ROCK2: variants seen among roughly 807,000 people sequenced by gnomAD.
ROCK2 encodes Rho associated coiled-coil containing protein kinase 2, also known as rho-associated protein kinase 2.
ROCK2 carries 61 observed loss-of-function variants against 195.1 expected under a neutral mutation model. That is an observed-to-expected ratio of 0.31 (90% confidence interval 0.25 to 0.39). The LOEUF is 0.39. Ranked by LOEUF, ROCK2 falls within the 10% of genes least tolerant of loss-of-function variation. ROCK2 has a pLI of 1.00. For synonymous variants in ROCK2, 504 were observed against 545.5 expected, an observed-to-expected ratio of 0.92 and a Z score of 1.06; for missense variants, 1,109 against 1,637.4, an observed-to-expected ratio of 0.68 and a Z score of 5.57.
At chr2:11,310,189 T>G (rs1435266478) in intron 1 of ROCK2, among the ~76,000 whole-genome samples, 1 of 152,214 alleles carries the variant, frequency 6.6e-6, no homozygotes, top group African/African-American at 2.4e-5. Flanking sequence ...TATGGTAATC[T>G]GATCCTAAAG....
At chr2:11,267,496 AT>A (rs1298240099) in intron 3 of ROCK2, among the ~76,000 whole-genome samples, 1 of 150,692 alleles carries the variant, frequency 6.6e-6, no homozygotes, top group Non-Finnish European at 1.5e-5. Flanking sequence ...AAGCTTCACC[AT>A]TTTCACATAC....
chr2:11,246,838 T>A (rs577127457), intron 4 of ROCK2, among the ~76,000 whole-genome samples: 1 of 152,314 alleles, frequency 6.6e-6, no homozygotes, highest in South Asian at 2.1e-4. Context: ...CAATGACTCA[T>A]TAATTTCACT....
intron 3 of ROCK2, among the ~76,000 whole-genome samples, chr2:11,273,920 C>G (rs1666737365): frequency 7.8e-6 from 1 of 128,708 alleles, no homozygotes; most frequent in African/African-American, 2.6e-5. Flanking sequence ...CAGAGCAAGA[C>G]TCCATCTCAA....
intron 3 of ROCK2, among the ~76,000 whole-genome samples, chr2:11,269,491 A>C (rs1400820829): frequency 6.7e-6 from 1 of 149,436 alleles, no homozygotes; most frequent in Non-Finnish European, 1.5e-5. Context: ...AGCGTGGGTG[A>C]CAGAGCAAGA....
intron 1 of ROCK2, among the ~76,000 whole-genome samples, chr2:11,320,743 G>A (rs1022899699): frequency 6.6e-6 from 1 of 152,136 alleles, no homozygotes; most frequent in African/African-American, 2.4e-5. Flanking sequence ...CCCTCCCTGA[G>A]AGGAGAAAAA....
At chr2:11,315,601 C>G (rs780210114) in intron 1 of ROCK2, among the ~76,000 whole-genome samples, 1 of 151,976 alleles carries the variant, frequency 6.6e-6, no homozygotes, top group East Asian at 1.9e-4. Flanking sequence ...AAAAACATAT[C>G]CATAATTTTT....
rs563107811 is a variant in ROCK2, at chr2:11,251,496, T to C, written c.325-1698A>G. ...TCAAACTGCCCAAGGGCTATATAGA[T>C]AGTAAGCAGAATTAACTCAAGATGG... On this transcript the variant is annotated intron_variant, in intron 3 of 32. Coordinates refer to ENST00000315872, the MANE Select transcript of ROCK2 (RefSeq NM_004850.5). Among the ~76,000 whole-genome samples the C allele has an allele frequency of 3.9e-5, 6 of 152,256 alleles. No individual in the cohort carries two copies. The East Asian group carries it at 1.2e-3, about 29-fold the overall frequency.
At chr2:11,268,039 T>C (rs527767157) in intron 3 of ROCK2, among the ~76,000 whole-genome samples, 2 of 152,148 alleles carry the variant, frequency 1.3e-5, no homozygotes, top group East Asian at 3.9e-4. Flanking sequence ...AATAAAATGC[T>C]GAAGAGACTG....
intron 1 of ROCK2, among the ~76,000 whole-genome samples, chr2:11,332,394 T>G (rs1378477825): frequency 2.0e-5 from 3 of 152,150 alleles, no homozygotes; most frequent in Non-Finnish European, 4.4e-5. Context: ...ATAAAACTCC[T>G]TCACCAGTTG....
chr2:11,231,235 G>A (rs1248839817), intron 5 of ROCK2, among the ~76,000 whole-genome samples: 1 of 147,530 alleles, frequency 6.8e-6, no homozygotes. Context: ...ACAGAGTCTC[G>A]CTTTGTCACC....
In ROCK2 at chr2:11,197,842, C is replaced by T. The variant is rs1159034712; in HGVS notation, c.3100-137G>A. 2.2e-6 allele frequency: 1 copy of T among 452,336 alleles called. No individual in the cohort carries two copies. Among genetic ancestry groups the T allele is most frequent in the South Asian group, 8.2e-5 (1 of 12,234 alleles). 28.0% of individuals were successfully genotyped at this position (452,336 alleles called of 1,614,324 possible). On this transcript the variant is annotated intron_variant, in intron 25 of 32. Transcript: ENST00000315872. The surrounding 1 kb of genome is among the most constrained non-coding windows in gnomAD (Gnocchi z 4.9). Reference sequence around the variant, plus strand: ...CTACATACAGGGCTACAAAGAAACACTTTCTATAATATTTAAATAATACAC... The same window carrying T: ...CTACATACAGGGCTACAAAGAAACATTTTCTATAATATTTAAATAATACAC...
At chr2:11,220,514 T>C (rs976578891) in intron 9 of ROCK2, among the ~76,000 whole-genome samples, 10 of 152,202 alleles carry the variant, frequency 6.6e-5, no homozygotes, top group African/African-American at 2.4e-4. Context: ...TGAATGATCT[T>C]GTGTCAGACT....
intron 1 of ROCK2, chr2:11,308,311 C>A (rs1441721416): frequency 8.9e-6 from 10 of 1,124,560 alleles, no homozygotes; most frequent in Admixed American, 1.7e-5. Flanking sequence ...TAGAACCAAT[C>A]CTAAAGAATA....
chr2:11,262,926 T>G (rs1019680426), intron 3 of ROCK2, among the ~76,000 whole-genome samples: 2 of 152,158 alleles, frequency 1.3e-5, no homozygotes, highest in African/African-American at 4.8e-5. Context: ...GAAGATCCAA[T>G]GAATCTACTT....
intron 1 of ROCK2, among the ~76,000 whole-genome samples, chr2:11,339,939 C>T (rs1669051923): frequency 6.6e-6 from 1 of 152,016 alleles, no homozygotes; most frequent in Non-Finnish European, 1.5e-5. Context: ...TTTTACGCTT[C>T]GTAACTTATA....
intron 3 of ROCK2, among the ~76,000 whole-genome samples, chr2:11,272,500 G>A (rs898145217): frequency 6.6e-6 from 1 of 152,096 alleles, no homozygotes; most frequent in African/African-American, 2.4e-5. Flanking sequence ...TGCATTTAAA[G>A]TGATTAGTTT....
rs181630520 is a variant in ROCK2, at chr2:11,312,591, A to G, written c.142-24855T>C. ...TTCTTTCATTCAGTATAATTCTGAG[A>G]TTCATCTTTTTTCCATGTATTAATA... is the stretch of plus-strand genomic sequence containing the variant. On this transcript the variant is annotated intron_variant, in intron 1 of 32. Transcript: ENST00000315872. Among the ~76,000 whole-genome samples the G allele has an allele frequency of 3.4e-3, 511 of 152,224 alleles. 5 individuals carry two copies. Among genetic ancestry groups the G allele is most frequent in the Non-Finnish European group, 5.0e-3 (340 of 67,984 alleles).
At chr2:11,209,482 C>T (rs921386097) in intron 18 of ROCK2, among the ~76,000 whole-genome samples, 4 of 152,092 alleles carry the variant, frequency 2.6e-5, no homozygotes, top group Non-Finnish European at 5.9e-5. Flanking sequence ...AAAAGCAAAA[C>T]GGTATAGAAA....
intron 1 of ROCK2, among the ~76,000 whole-genome samples, chr2:11,297,061 C>CA (rs1261077790): frequency 6.6e-6 from 1 of 151,964 alleles, no homozygotes; most frequent in Non-Finnish European, 1.5e-5. Context: ...GCAAGAAACT[C>CA]AAAGCAACCT....
Sources: gnomAD v4.1 joint callset for allele counts (sites outside exome capture counted in the v4.1 genomes callset) on GRCh38, gnomAD v4.1.1 for gene constraint, Gnocchi (gnomAD v3.1) non-coding constraint, MANE v1.5 for transcripts, NCBI Gene and HGNC (gene_info 2026-07-23, HGNC 2026-07-21) for gene names.